Variants in SPATA18 observed in about 807,000 individuals in gnomAD.
The protein encoded by SPATA18 is spermatogenesis associated 18, also known as mitochondria-eating protein.
Under a neutral mutation model 68.1 loss-of-function variants are expected in SPATA18, and 54 were observed. That is an observed-to-expected ratio of 0.79 (90% CI 0.64 to 0.99). The LOEUF is 0.99. Ranked by LOEUF, SPATA18 falls within the 50% of genes least tolerant of loss-of-function variation. The pLI, the probability that SPATA18 is intolerant of heterozygous loss-of-function variation, is 0.00. For synonymous variants in SPATA18, 242 were observed against 244.8 expected (o/e 0.99, Z 0.11); for missense variants, 724 against 681.1 (o/e 1.06, Z -0.70).
chr4:52,053,311 A>T (rs1222959573), intron 1 of SPATA18, among the ~76,000 whole-genome samples: 1 of 152,058 alleles, frequency 6.6e-6, no homozygotes, highest in Non-Finnish European at 1.5e-5. Flanking sequence ...AACCATTTCC[A>T]TCCAGCTGTT....
chr4:52,086,290 G>A (rs900300398), intron 11 of SPATA18, among the ~76,000 whole-genome samples: 6 of 152,094 alleles, frequency 3.9e-5, no homozygotes, highest in Non-Finnish European at 8.8e-5. Context: ...TTTAAGTTCT[G>A]GGTTACATGT....
chr4:52,066,827 C>T (rs1200892841), intron 4 of SPATA18, among the ~76,000 whole-genome samples: 3 of 152,176 alleles, frequency 2.0e-5, no homozygotes, highest in Admixed American at 2.0e-4. Context: ...ATGCAAAGGA[C>T]ATAATCTTAT....
rs1408684356 is a variant in SPATA18, at chr4:52,079,808, T to G, written c.1244T>G (p.Leu415Arg). The G allele has an allele frequency of 6.2e-7, 1 of 1,613,976 alleles. No homozygotes were observed. The highest frequency in any genetic ancestry group is 8.5e-7 in the Non-Finnish European group (1 of 1,179,962). ...ISFPPVVDFC[L>R]LSDFIQEICC... Reference sequence around the variant, plus strand: ...TTCCCTCCTGTCGTTGACTTTTGCCTTCTCAGTGACTTCATCCAGGAGATA... The same window carrying G: ...TTCCCTCCTGTCGTTGACTTTTGCCGTCTCAGTGACTTCATCCAGGAGATA... Residue 415 changes from leucine to arginine, a missense_variant, in exon 9 of 13, where the codon CTT (leucine) becomes CGT (arginine). Coordinates refer to ENST00000295213, the MANE Select transcript of SPATA18 (RefSeq NM_145263.4).
intron 6 of SPATA18, among the ~76,000 whole-genome samples, chr4:52,075,863 C>T (rs1220407323): frequency 1.3e-5 from 2 of 152,166 alleles, no homozygotes; most frequent in Non-Finnish European, 2.9e-5. Context: ...ATATGCGTGA[C>T]CTTTCTTCAT....
intron 1 of SPATA18, 140 bp from the exon 2 acceptor site, chr4:52,060,279 T>G: frequency 1.6e-6 from 1 of 615,024 alleles, no homozygotes; most frequent in Non-Finnish European, 2.9e-6. Flanking sequence ...GGGAGATAGG[T>G]TTTGGTGACT....
Position 52,079,756 on chromosome 4 carries a change from GC to G in SPATA18, c.1194del (p.Met399Ter), listed in dbSNP as rs1271504314. ...SQSSVNDVIRAMNVNPKISFP... is the reference protein window; with the variant it reads ...SQSSVNDVIRXMNVNPKISFP... The stretch of plus-strand genomic sequence containing the variant: ...TTTTGTTTTTCAGGATGTGATCCGA[GC>G]CATGAATGTCAATCCCAAGATTTCA... On this transcript the variant is annotated frameshift_variant, in exon 9 of 13. Transcript: ENST00000295213. LOFTEE classifies it high-confidence loss of function. 1 of 1,613,770 alleles carries G rather than the reference GC, an allele frequency of 6.2e-7. No homozygotes were observed. The highest frequency in any genetic ancestry group is 8.5e-7 in the Non-Finnish European group (1 of 1,179,882).
chr4:52,078,674 G>C (rs1740626358), intron 7 of SPATA18, 61 bp from the exon 8 acceptor site: 1 of 1,419,418 alleles, frequency 7.0e-7, no homozygotes, highest in Non-Finnish European at 9.5e-7. Context: ...CTAATTCCTT[G>C]TTTTGGATCT....
chr4:52,081,173 A>G (rs1029288057), intron 9 of SPATA18, among the ~76,000 whole-genome samples: 5 of 152,110 alleles, frequency 3.3e-5, no homozygotes, highest in Non-Finnish European at 2.9e-5. Context: ...ACCATTCACC[A>G]TTTTAGTTTA....
Position 52,079,666 on chromosome 4 carries a change from C to T in SPATA18, c.1180-78C>T, listed in dbSNP as rs186526290. The T allele has an allele frequency of 1.6e-4, 236 of 1,470,946 alleles. 1 individual carries two copies. The highest frequency in any genetic ancestry group is 2.4e-5 in the Non-Finnish European group (26 of 1,074,752). The allele number at this position is 1,470,946 out of a possible 1,614,324, so 91.1% of individuals were successfully genotyped here. On this transcript the variant is annotated intron_variant, in intron 8 of 12. Transcript: ENST00000295213. ...CACATTCTCTTTTCCCACCTCCCAT[C>T]AATCCTAATATTCTTAGGATGTCAG...
chr4:52,088,316 G>A (rs1186267041), intron 11 of SPATA18, among the ~76,000 whole-genome samples: 5 of 152,150 alleles, frequency 3.3e-5, no homozygotes, highest in Non-Finnish European at 7.4e-5. Flanking sequence ...GTGTTGAATA[G>A]GAGTGGTGAG....
intron 11 of SPATA18, among the ~76,000 whole-genome samples, chr4:52,085,921 A>G (rs1390406911): frequency 1.3e-5 from 2 of 152,092 alleles, no homozygotes; most frequent in Non-Finnish European, 2.9e-5. Context: ...TAAACAAAAG[A>G]AAACAAAACT....
At chr4:52,084,821 A>C in intron 10 of SPATA18, 95 bp from the exon 11 acceptor site, 1 of 1,213,602 alleles carries the variant, frequency 8.2e-7, no homozygotes, top group Non-Finnish European at 1.2e-6. Flanking sequence ...CACATAAGTA[A>C]AACTCTTATT....
intron 5 of SPATA18, 30 bp downstream of exon 5, chr4:52,069,946 C>A: frequency 1.3e-6 from 2 of 1,499,484 alleles, no homozygotes; most frequent in Non-Finnish European, 9.0e-7. Context: ...ATTATTGCAG[C>A]CTAAATCATT....
rs150047925 is a variant in SPATA18, at chr4:52,083,489, C to A, written c.1479+979C>A. Reference sequence around the variant, plus strand: ...CCTTAGCTGGGCATGGTGGCCCACACCTGTAATCCTAGCACTTTGGGAAGC... The same window carrying A: ...CCTTAGCTGGGCATGGTGGCCCACAACTGTAATCCTAGCACTTTGGGAAGC... On this transcript the variant is annotated intron_variant, in intron 10 of 12. Transcript: ENST00000295213. 3.5e-4 allele frequency: 344 copies of A among 984,954 alleles called. 1 individual carries two copies. The African/African-American group carries it at 5.6e-3, about 16-fold the overall frequency. The allele number at this position is 984,954 out of a possible 1,614,324, so 61.0% of individuals were successfully genotyped here. A position where few individuals can be genotyped will look rare whatever the true frequency, so the allele number is the denominator to read the frequency against.
chr4:52,082,798 C>T (rs1432787149), intron 10 of SPATA18: 3 of 1,221,852 alleles, frequency 2.5e-6, no homozygotes, highest in South Asian at 3.5e-5. Context: ...ATTTTAAAAA[C>T]AAAGCCCTTT....
At chr4:52,066,526 G>A (rs958155329) in intron 4 of SPATA18, among the ~76,000 whole-genome samples, 2 of 152,084 alleles carry the variant, frequency 1.3e-5, no homozygotes, top group African/African-American at 4.8e-5. Context: ...TAAGTTCCGG[G>A]ATACACGTGC....
At position 52,078,825 on chromosome 4, in the gene SPATA18, T is replaced by A; in HGVS notation, c.1111T>A (p.Phe371Ile). ...LTPSYVGSND[F>I]ENAVLDYVIC... ...ACCATCTTATGTGGGGTCGAATGACTTTGAGAATGCTGTCTTGGATTATGT... is the reference window on the plus strand; with the variant it reads ...ACCATCTTATGTGGGGTCGAATGACATTGAGAATGCTGTCTTGGATTATGT... The change falls in exon 8 of 13, where the codon TTT becomes ATT. Residue 371 changes from phenylalanine to isoleucine, a missense_variant. Physicochemically the swap from Phe to Ile is conservative, Grantham distance 21 (BLOSUM62 0). Transcript: ENST00000295213. The A allele has an allele frequency of 6.2e-7, 1 of 1,609,924 alleles. No individual in the cohort carries two copies. The highest frequency in any genetic ancestry group is 8.5e-7 in the Non-Finnish European group (1 of 1,176,558).
At chr4:52,060,561 T>C (rs759035761) in intron 2 of SPATA18, 37 bp downstream of exon 2, 2 of 1,582,868 alleles carry the variant, frequency 1.3e-6, no homozygotes, top group East Asian at 4.5e-5. Flanking sequence ...CAGTTCTGCT[T>C]GCCTTTCTCT....
At chr4:52,083,218 C>T in intron 10 of SPATA18, 2 of 985,316 alleles carry the variant, frequency 2.0e-6, no homozygotes, top group Non-Finnish European at 2.4e-6. Flanking sequence ...AGTTTTTACC[C>T]CTGCCTTTCC....
Sources: gnomAD v4.1 joint callset for allele counts (sites outside exome capture counted in the v4.1 genomes callset) on GRCh38, gnomAD v4.1.1 for gene constraint, MANE v1.5 for transcripts, NCBI Gene and HGNC (gene_info 2026-07-23, HGNC 2026-07-21) for gene names.